SLC34A3: variants seen among roughly 807,000 people sequenced by gnomAD.
The protein encoded by SLC34A3 is solute carrier family 34 member 3, also known as sodium-dependent phosphate transport protein 2C.
A neutral mutation model predicts 43.9 loss-of-function variants in SLC34A3; 60 were observed. That is an observed-to-expected ratio of 1.37 (90% CI 1.11 to 1.70). SLC34A3 has a LOEUF of 1.70. SLC34A3 is among the 40% of genes most tolerant of loss of function. SLC34A3 has a pLI of 0.00. For missense variants in SLC34A3, 969 were observed against 823.8 expected (o/e 1.18, Z -2.16); for synonymous variants, 451 against 386.2 (o/e 1.17, Z -1.97).
In SLC34A3 at chr9:137,234,480, C is replaced by G; in HGVS notation, c.1158C>G (p.Thr386=). Residue 386 remains threonine, a synonymous_variant, in exon 11 of 13, where the codon ACC becomes ACG. Coordinates refer to ENST00000673835, the MANE Select transcript of SLC34A3 (RefSeq NM_001177316.2). The surrounding 1 kb of genome is among the most constrained non-coding windows in gnomAD (Gnocchi z 6.9). The part of the protein sequence containing the change: ...YLAVLAGAGL[T]FALQSSSVFT... ...CCGTCCTCGCGGGCGCCGGCCTGAC[C>G]TTCGCACTGCAGAGCAGCAGCGTCT... is the stretch of plus-strand genomic sequence containing the variant. The G allele has an allele frequency of 3.1e-6, 5 of 1,602,326 alleles. No individual in the cohort carries two copies. The highest frequency in any genetic ancestry group is 4.2e-6 in the Non-Finnish European group (5 of 1,179,470).
chr9:137,236,158 G>A lies in SLC34A3; in HGVS notation c.1542G>A (p.Leu514=). The change falls in exon 13 of 13, where the codon CTG becomes CTA. Residue 514 remains leucine (L), a synonymous_variant. Coordinates refer to ENST00000673835, the MANE Select transcript of SLC34A3 (RefSeq NM_001177316.2). ...TCTCCCTGGCAGGGGGCATGGAGCT[G>A]GCCGCTGTCGGGGGTCCCCTGGTGG... The part of the protein sequence containing the change: ...FGLSLAGGME[L]AAVGGPLVGL... 1 of 1,608,528 alleles carries A rather than the reference G, an allele frequency of 6.2e-7. No homozygotes were observed. The highest frequency in any genetic ancestry group is 1.3e-5 in the African/African-American group (1 of 74,998).
chr9:137,236,429 G>A lies in SLC34A3; in HGVS notation c.*13G>A. ...CCAGCAGTTGTGACGGGCAGTTGCT[G>A]AGCAGACCGCCCCACCCTCCCCGGC... On this transcript the variant is annotated 3_prime_UTR_variant, in exon 13 of 13. Coordinates refer to ENST00000673835, the MANE Select transcript of SLC34A3 (RefSeq NM_001177316.2). 2.6e-6 allele frequency: 4 copies of A among 1,535,102 alleles called. No homozygotes were observed. The highest frequency in any genetic ancestry group is 3.5e-6 in the Non-Finnish European group (4 of 1,145,612).
intron 8 of SLC34A3, 57 bp downstream of exon 8, chr9:137,233,779 T>TGGGCCCCCCCCCC: frequency 1.4e-6 from 2 of 1,445,784 alleles, no homozygotes; most frequent in Non-Finnish European, 1.9e-6. Context: ...TGCTGAGTCA[T>TGGGCCCCCCCCCC]CCCGCCCCAC....
At position 137,233,022 on chromosome 9, in the gene SLC34A3, CTG is replaced by C; in HGVS notation, c.470_471del (p.Val157AlafsTer27). ...CCAGCAGTGCTGACTGTCCGGGTGT[CTG>C]TGCCCATCATCATGGGTGTCAACGT... On this transcript the variant is annotated frameshift_variant, in exon 6 of 13. Transcript: ENST00000673835. LOFTEE classifies it high-confidence loss of function. The C allele has an allele frequency of 6.2e-7, 1 of 1,612,022 alleles. No homozygotes were observed. The highest frequency in any genetic ancestry group is 2.2e-5 in the East Asian group (1 of 44,866).
Position 137,234,559 on chromosome 9 carries a change from G to C in SLC34A3, c.1210+27G>C. ...TGAGCAGGCAGGACAGAGGCCTCGGGAACGGGGGCTCGGGCTGGGGTCCTG... is the reference window on the plus strand; with the variant it reads ...TGAGCAGGCAGGACAGAGGCCTCGGCAACGGGGGCTCGGGCTGGGGTCCTG... On this transcript the variant is annotated intron_variant, in intron 11 of 12. Coordinates refer to ENST00000673835, the MANE Select transcript of SLC34A3 (RefSeq NM_001177316.2). This position sits in a 1 kb window ranked among gnomAD's most constrained non-coding sequence, Gnocchi z 6.9. 6.2e-7 allele frequency: 1 copy of C among 1,609,758 alleles called. No homozygotes were observed. Among genetic ancestry groups the C allele is most frequent in the Non-Finnish European group, 8.5e-7 (1 of 1,178,338 alleles).
At position 137,233,735 on chromosome 9, in the gene SLC34A3, A is replaced by C; in HGVS notation, c.846+13A>C. ...CACGGGGCAGCCGGTGAGGCACCCA[A>C]CCCTAGGCCCTCACTGACCCCCAAC... On this transcript the variant is annotated intron_variant, in intron 8 of 12. Transcript: ENST00000673835. 6.2e-7 allele frequency: 1 copy of C among 1,611,386 alleles called. No individual in the cohort carries two copies. The highest frequency in any genetic ancestry group is 8.5e-7 in the Non-Finnish European group (1 of 1,179,222).
chr9:137,232,262 TG>T, intron 3 of SLC34A3, 101 bp downstream of exon 3: 1 of 1,178,266 alleles, frequency 8.5e-7, no homozygotes, highest in Non-Finnish European at 1.3e-6. Context: ...AGGCTGTGTG[TG>T]GGGAACTCCG....
Position 137,235,813 on chromosome 9 carries a change from A to C in SLC34A3, c.1336-139A>C. 3.8e-6 allele frequency: 3 copies of C among 779,338 alleles called. No individual in the cohort carries two copies. In the Admixed American group the frequency reaches 6.7e-5, roughly 17 times the overall value. 48.3% of individuals were successfully genotyped at this position (779,338 alleles called of 1,614,324 possible). A position where few individuals can be genotyped will look rare whatever the true frequency, so the allele number is the denominator to read the frequency against. ...CACATCTGGCCACAGCCCGCCTCCC[A>C]GACGGCCATCTCATCCGTGAAGCAG... On this transcript the variant is annotated intron_variant, in intron 12 of 12. Coordinates refer to ENST00000673835, the MANE Select transcript of SLC34A3 (RefSeq NM_001177316.2).
Position 137,233,304 on chromosome 9 carries a change from T to C in SLC34A3, c.656T>C (p.Leu219Pro). 1 of 1,596,894 alleles carries C rather than the reference T, an allele frequency of 6.3e-7. No homozygotes were observed. The highest frequency in any genetic ancestry group is 1.7e-4 in the Middle Eastern group (1 of 6,038). The change falls in exon 7 of 13, where the codon CTA (leucine) becomes CCA (proline). Residue 219 changes from leucine (L) to proline (P), a missense_variant. By Grantham distance (98) the Leu-to-Pro change is moderately conservative. Coordinates refer to ENST00000673835, the MANE Select transcript of SLC34A3 (RefSeq NM_001177316.2). ...AGCGCCACGGCCCTGCTGGAGAGGC[T>C]AAGTGAGCTAGCCCTGGGTGCCGCC... ...LESATALLER[L>P]SELALGAASL...
chr9:137,232,470 G>C, intron 3 of SLC34A3, 105 bp from the exon 4 acceptor site: 8 of 1,498,174 alleles, frequency 5.3e-6, no homozygotes, highest in Non-Finnish European at 7.3e-6. Flanking sequence ...ATGGGACCCA[G>C]CCCTGTTGGA....
chr9:137,232,736 G>A (rs375828996), intron 4 of SLC34A3, 33 bp downstream of exon 4: 12 of 1,612,912 alleles, frequency 7.4e-6, no homozygotes, highest in African/African-American at 2.7e-5. Context: ...AGGGCGGGGC[G>A]GGCAACCAGC....
Position 137,234,349 on chromosome 9 carries a change from G to A in SLC34A3, c.1094-67G>A. 6.2e-7 allele frequency: 1 copy of A among 1,600,356 alleles called. No individual in the cohort carries two copies. Among genetic ancestry groups the A allele is most frequent in the African/African-American group, 1.3e-5 (1 of 74,994 alleles). ...CCCATAGACTTCCCCTTCCCACCAG[G>A]CTGACTCGGGGGCTACCTGGCCCTC... On this transcript the variant is annotated intron_variant, in intron 10 of 12. Transcript: ENST00000673835. This position sits in a 1 kb window ranked among gnomAD's most constrained non-coding sequence, Gnocchi z 6.9.
In SLC34A3 at chr9:137,234,723, G is replaced by A. The variant is rs147797886; in HGVS notation, c.1327G>A (p.Ala443Thr). Residue 443 changes from alanine (A) to threonine (T), a missense_variant, in exon 12 of 13, where the codon GCC becomes ACC. By Grantham distance (58) the Ala-to-Thr change is moderately conservative. Transcript: ENST00000673835. The surrounding 1 kb of genome is among the most constrained non-coding windows in gnomAD (Gnocchi z 6.9). ...CAGCCCCGCAGACAGGATGCTCAGC[G>A]CCCTGCAGGTACTGTCCACCCTGCC... The part of the protein sequence containing the change: ...LASPADRMLS[A>T]LQVALIHFFF... 40 of 1,609,542 alleles carry A rather than the reference G, an allele frequency of 2.5e-5. No individual in the cohort carries two copies. The highest frequency in any genetic ancestry group is 6.6e-5 in the South Asian group (6 of 91,086).
chr9:137,235,784 T>C (rs532335247), intron 12 of SLC34A3, among the ~76,000 whole-genome samples, 168 bp from the exon 13 acceptor site: 1 of 152,276 alleles, frequency 6.6e-6, no homozygotes, highest in Non-Finnish European at 1.5e-5. Context: ...CTGGGGAACA[T>C]GTCCACATCT....
In SLC34A3 at chr9:137,233,289, C is replaced by T. The variant is rs1306168059; in HGVS notation, c.641C>T (p.Ala214Val). 1.3e-6 allele frequency: 2 copies of T among 1,591,034 alleles called. No homozygotes were observed. The highest frequency in any genetic ancestry group is 1.7e-4 in the Middle Eastern group (1 of 6,026). Residue 214 changes from alanine to valine, a missense_variant, in exon 7 of 13, where the codon GCC (alanine) becomes GTC (valine). Coordinates refer to ENST00000673835, the MANE Select transcript of SLC34A3 (RefSeq NM_001177316.2). ...LVLLPLESAT[A>V]LLERLSELAL... The stretch of plus-strand genomic sequence containing the variant: ...CTGCTGCCACTGGAGAGCGCCACGG[C>T]CCTGCTGGAGAGGCTAAGTGAGCTA...
chr9:137,235,150 G>A (rs1422082663), intron 12 of SLC34A3, among the ~76,000 whole-genome samples: 5 of 151,228 alleles, frequency 3.3e-5, no homozygotes, highest in South Asian at 2.1e-4. Context: ...TGCAAAGGCC[G>A]AGTCCCACCG....
chr9:137,233,779 T>TTGGGCCCCCCCCCCCCCCCCCCA, intron 8 of SLC34A3, 57 bp downstream of exon 8: 1 of 1,445,822 alleles, frequency 6.9e-7, no homozygotes, highest in Admixed American at 1.8e-5. Flanking sequence ...TGCTGAGTCA[T>TTGGGCCCCCCCCCCCCCCCCCCA]CCCGCCCCAC....
At chr9:137,231,981 C>T (rs762560721) in intron 2 of SLC34A3, 91 bp from the exon 3 acceptor site, 18 of 1,311,696 alleles carry the variant, frequency 1.4e-5, no homozygotes, top group African/African-American at 4.3e-5. Context: ...AGGCCTCTTA[C>T]GCCTCAGCCC....
chr9:137,235,968 T>C lies in SLC34A3; in HGVS notation c.1352T>C (p.Phe451Ser). The C allele has an allele frequency of 6.2e-7, 1 of 1,612,054 alleles. No homozygotes were observed. Among genetic ancestry groups the C allele is most frequent in the Non-Finnish European group, 8.5e-7 (1 of 1,179,734 alleles). ...LSALQVALIH[F>S]FFNLAGILLW... ...CGCCCCCAGGTCGCCCTCATCCACT[T>C]CTTCTTCAACCTGGCCGGCATCCTG... Residue 451 changes from phenylalanine (F) to serine (S), a missense_variant, in exon 13 of 13, where the codon TTC (phenylalanine) becomes TCC (serine). By Grantham distance (155) the Phe-to-Ser change is radical. Coordinates refer to ENST00000673835, the MANE Select transcript of SLC34A3 (RefSeq NM_001177316.2).
Sources: allele counts gnomAD v4.1 joint callset (sites outside exome capture counted in the v4.1 genomes callset), GRCh38; gene constraint gnomAD v4.1.1; non-coding constraint Gnocchi (gnomAD v3.1); transcripts MANE v1.5; gene names NCBI Gene and HGNC (gene_info 2026-07-23, HGNC 2026-07-21).